Variants in XKR9 observed in about 807,000 individuals in gnomAD.
XKR9 encodes the protein XK-related protein 9.
XKR9 carries 32 observed loss-of-function variants against 32.0 expected under a neutral mutation model. That is an observed-to-expected ratio of 1.00 (90% CI 0.76 to 1.34). The LOEUF (loss-of-function observed/expected upper bound fraction) is 1.34, where lower values mean the gene tolerates loss of function less well. Ranked by LOEUF, XKR9 falls within the 40% of genes most tolerant of loss-of-function variation. The probability of loss-of-function intolerance (pLI) is 0.00; values close to 1 mark genes in which losing one functional copy is unlikely to be tolerated. For synonymous variants in XKR9, 168 were observed against 143.4 expected (o/e 1.17, Z -1.22); for missense variants, 546 against 429.7 (o/e 1.27, Z -2.39).
intron 2 of XKR9, among the ~76,000 whole-genome samples, chr8:70,750,286 TAGC>T (rs1563467390): frequency 6.6e-6 from 1 of 152,198 alleles, no homozygotes; most frequent in Non-Finnish European, 1.5e-5. Flanking sequence ...GGGTTTCTAT[TAGC>T]AGCAGAATAC....
chr8:70,811,003 C>A, the XKR9 span, among the ~76,000 whole-genome samples: 1 of 152,166 alleles, frequency 6.6e-6, no homozygotes, highest in African/African-American at 2.4e-5. Flanking sequence ...TTCAGCACCA[C>A]ACCACACCTA....
At chr8:70,708,306 T>A (rs1805791604) in intron 4 of XKR9, among the ~76,000 whole-genome samples, 1 of 152,188 alleles carries the variant, frequency 6.6e-6, no homozygotes, top group Middle Eastern at 3.4e-3. Flanking sequence ...CTTATGATAA[T>A]TCCAAGGGAT....
At chr8:70,937,152 G>C in the XKR9 span, among the ~76,000 whole-genome samples, 1 of 151,780 alleles carries the variant, frequency 6.6e-6, no homozygotes, top group African/African-American at 2.4e-5. Context: ...GTGTGTGTGT[G>C]ACTGTGACTG....
the XKR9 span, among the ~76,000 whole-genome samples, chr8:70,906,544 C>T: frequency 3.9e-5 from 6 of 152,152 alleles, no homozygotes; most frequent in Non-Finnish European, 5.9e-5. Flanking sequence ...CATCATTTGC[C>T]GACTTGCAGG....
chr8:70,846,169 A>T, the XKR9 span, among the ~76,000 whole-genome samples: 1 of 152,104 alleles, frequency 6.6e-6, no homozygotes, highest in Non-Finnish European at 1.5e-5. Flanking sequence ...AAAGAGAAAA[A>T]CTGCCAGCCA....
the XKR9 span, among the ~76,000 whole-genome samples, chr8:70,813,404 C>G: frequency 6.6e-6 from 1 of 152,124 alleles, no homozygotes; most frequent in Non-Finnish European, 1.5e-5. Context: ...GAATAAAACA[C>G]CAAAAGCAAT....
the XKR9 span, among the ~76,000 whole-genome samples, chr8:71,020,604 T>C: frequency 1.2e-4 from 18 of 152,330 alleles, no homozygotes; most frequent in African/African-American, 4.3e-4. Context: ...TATAATAGGA[T>C]GTATGGGAAA....
chr8:70,844,137 A>C, the XKR9 span, among the ~76,000 whole-genome samples: 2 of 152,188 alleles, frequency 1.3e-5, no homozygotes, highest in Admixed American at 6.5e-5. Context: ...ACCACCTACC[A>C]GGGAAAGTTA....
At chr8:70,882,842 G>A in the XKR9 span, among the ~76,000 whole-genome samples, 2 of 151,432 alleles carry the variant, frequency 1.3e-5, no homozygotes, top group Non-Finnish European at 2.9e-5. Flanking sequence ...TGCCAAATGT[G>A]TAATTAAATA....
chr8:70,977,859 T>C, the XKR9 span, among the ~76,000 whole-genome samples: 1 of 152,192 alleles, frequency 6.6e-6, no homozygotes, highest in Non-Finnish European at 1.5e-5. Context: ...ATTTTTATTG[T>C]GTGGGAGTCT....
At chr8:70,695,712 C>G (rs1450309573) in intron 3 of XKR9, among the ~76,000 whole-genome samples, 1 of 151,608 alleles carries the variant, frequency 6.6e-6, no homozygotes, top group African/African-American at 2.4e-5. Context: ...ATGGCTGGGT[C>G]AAATGGTATT....
chr8:70,913,364 T>C, the XKR9 span, among the ~76,000 whole-genome samples: 1 of 152,094 alleles, frequency 6.6e-6, no homozygotes, highest in Non-Finnish European at 1.5e-5. Flanking sequence ...TACTACATAG[T>C]GGAAACTGCA....
At chr8:70,761,543 G>C (rs780679929) in intron 2 of XKR9, among the ~76,000 whole-genome samples, 1 of 151,990 alleles carries the variant, frequency 6.6e-6, no homozygotes, top group Admixed American at 6.6e-5. Context: ...TTTTAATGAG[G>C]CTGTTAGTTT....
chr8:70,926,625 T>C, the XKR9 span, among the ~76,000 whole-genome samples: 1 of 152,226 alleles, frequency 6.6e-6, no homozygotes, highest in Non-Finnish European at 1.5e-5. Context: ...AGGAGAATTG[T>C]TTATTTCAAC....
chr8:70,863,786 A>C, the XKR9 span, among the ~76,000 whole-genome samples: 4 of 152,266 alleles, frequency 2.6e-5, no homozygotes, highest in African/African-American at 9.6e-5. Flanking sequence ...AATCTTTTCT[A>C]AGGAGAAATA....
chr8:70,745,801 A>G (rs1807050641), intron 2 of XKR9, among the ~76,000 whole-genome samples: 1 of 152,250 alleles, frequency 6.6e-6, no homozygotes, highest in Non-Finnish European at 1.5e-5. Flanking sequence ...CACCAAAGCC[A>G]AACATTAATT....
the XKR9 span, among the ~76,000 whole-genome samples, chr8:70,829,475 G>A: frequency 2.0e-5 from 3 of 152,174 alleles, no homozygotes. Context: ...TTGAGACGGA[G>A]TCTCGCCCTG....
chr8:70,945,584 T>A, the XKR9 span, among the ~76,000 whole-genome samples: 1 of 152,042 alleles, frequency 6.6e-6, no homozygotes, highest in Non-Finnish European at 1.5e-5. Flanking sequence ...AATCGCTATT[T>A]TTTTTTTGAT....
chr8:70,693,479 C>G (rs1313251154), intron 3 of XKR9, among the ~76,000 whole-genome samples: 1 of 152,204 alleles, frequency 6.6e-6, no homozygotes, highest in African/African-American at 2.4e-5. Flanking sequence ...TCCTCTCTCC[C>G]TTGAGTACTG....
Sources: gnomAD v4.1 joint callset for allele counts (sites outside exome capture counted in the v4.1 genomes callset) on GRCh38, gnomAD v4.1.1 for gene constraint, MANE v1.5 for transcripts, NCBI Gene and HGNC (gene_info 2026-07-23, HGNC 2026-07-21) for gene names.